The following NR4A1 variants were observed in gnomAD, a reference collection of about 807,000 sequenced individuals.
NR4A1 encodes nuclear receptor subfamily 4 group A member 1.
NR4A1 carries 24 observed loss-of-function variants against 47.5 expected under a neutral mutation model. The ratio of observed to expected loss-of-function variants is 0.50; its 90% CI spans 0.37 to 0.71. The LOEUF is 0.71. Ranked by LOEUF, NR4A1 falls within the 30% of genes least tolerant of loss-of-function variation. NR4A1 has a pLI of 0.00. For missense variants in NR4A1, 669 were observed against 788.6 expected (o/e 0.85, Z 1.82); for synonymous variants, 353 against 345.7 (o/e 1.02, Z -0.24).
At chr12:52,056,983 T>C (rs1939304847) in intron 4 of NR4A1, 74 bp from the exon 5 acceptor site, 1 of 1,371,892 alleles carries the variant, frequency 7.3e-7, no homozygotes, top group Non-Finnish European at 1.0e-6. Context: ...CATCCAAGTG[T>C]CTGACACAGC....
upstream of NR4A1, among the ~76,000 whole-genome samples, chr12:52,047,831 G>T (rs1441198112): frequency 6.6e-6 from 1 of 152,252 alleles, no homozygotes; most frequent in Non-Finnish European, 1.5e-5. Flanking sequence ...GAGGGTGCCT[G>T]AGCTTGAGGC....
At chr12:52,031,038 T>C (rs2701112) in intron 1 of NR4A1, among the ~76,000 whole-genome samples, 121,337 of 151,830 alleles carry the variant, frequency 0.8, 49,334 homozygotes, top group African/African-American at 0.9. Context: ...TATTTTGAGA[T>C]AGGGTCTCAC....
intron 1 of NR4A1, chr12:52,038,009 G>C (rs1246654322): frequency 1.0e-6 from 1 of 985,546 alleles, no homozygotes; most frequent in Admixed American, 6.1e-5. Flanking sequence ...TGGTGGTCTG[G>C]CTGTGTGGAG....
rs1357434310 is a variant in NR4A1, at chr12:52,057,508, C to G, written c.1518C>G (p.Leu506=). The change falls in exon 6 of 7, where the codon CTC becomes CTG. Residue 506 remains leucine, a synonymous_variant. Coordinates refer to ENST00000394825, the MANE Select transcript of NR4A1 (RefSeq NM_173157.3). ...TCGATGTCCCTGCCTTCGCCTGCCT[C>G]TCTGCCCTTGTCCTCATCACCGGTG... ...LLVDVPAFAC[L]SALVLITDRH... 2 of 1,614,022 alleles carry G rather than the reference C, an allele frequency of 1.2e-6. No homozygotes were observed. The highest frequency in any genetic ancestry group is 2.7e-5 in the African/African-American group (2 of 74,940).
chr12:52,031,778 A>ATTT (rs61279135), intron 1 of NR4A1, among the ~76,000 whole-genome samples: 4,175 of 125,840 alleles, frequency 0.033, 335 homozygotes, highest in African/African-American at 0.12. Context: ...GTGATGGTTA[A>ATTT]TTTTTTTTTT....
In NR4A1 at chr12:52,055,107, C is replaced by G. The variant is rs1399066264; in HGVS notation, c.779C>G (p.Pro260Arg). 3.1e-6 allele frequency: 5 copies of G among 1,614,114 alleles called. No homozygotes were observed. The Admixed American group carries it at 8.3e-5, about 27-fold the overall frequency. Residue 260 changes from proline to arginine, a missense_variant, in exon 2 of 7, where the codon CCA (proline) becomes CGA (arginine). Physicochemically the swap from Pro to Arg is moderately radical, Grantham distance 103 (BLOSUM62 -2). Transcript: ENST00000394825. ...TCAACCAAGGCCCGGAGCGGGGCCC[C>G]AGGTGGAAGTGAAGGCCGCTGTGCT... The part of the protein sequence containing the change: ...VTSTKARSGA[P>R]GGSEGRCAVC...
rs895409781 is a variant in NR4A1 at position 52,059,156 on chromosome 12, C to G, written c.*212C>G. 3 of 612,828 alleles carry G rather than the reference C, an allele frequency of 4.9e-6. No homozygotes were observed. Among genetic ancestry groups the G allele is most frequent in the Non-Finnish European group, 8.3e-6 (3 of 360,342 alleles). 38.0% of individuals were successfully genotyped at this position (612,828 alleles called of 1,614,324 possible). On this transcript the variant is annotated 3_prime_UTR_variant, in exon 7 of 7. Coordinates refer to ENST00000394825, the MANE Select transcript of NR4A1 (RefSeq NM_173157.3). ...GACCCCACGATTTGTCTTATCCCCC[C>G]CAGCCTGGCCCCGGCCTTTATGTTT...
At chr12:52,040,902 C>T (rs114492725) in intron 1 of NR4A1, among the ~76,000 whole-genome samples, 5 of 151,990 alleles carry the variant, frequency 3.3e-5, no homozygotes, top group African/African-American at 9.7e-5. Context: ...GGTGCGTAGT[C>T]GAGAGGAGAG....
chr12:52,050,749 C>T (rs965104734), upstream of NR4A1, among the ~76,000 whole-genome samples: 7 of 152,206 alleles, frequency 4.6e-5, no homozygotes, highest in Non-Finnish European at 5.9e-5. Flanking sequence ...GCCTCTCAGC[C>T]TGAGACCCTG....
chr12:52,057,742 T>C (rs1939352263), intron 6 of NR4A1, among the ~76,000 whole-genome samples: 2 of 152,236 alleles, frequency 1.3e-5, no homozygotes, highest in South Asian at 4.1e-4. Context: ...CAAGACAGCC[T>C]TTGGTCCCAG....
intron 1 of NR4A1, chr12:52,053,694 T>A (rs1389741326): frequency 1.3e-5 from 2 of 152,572 alleles, no homozygotes; most frequent in Non-Finnish European, 2.9e-5. Context: ...TTGCTCAGTG[T>A]GCAGGGTTGG....
At chr12:52,043,251 G>A (rs1287720393) in intron 2 of NR4A1, among the ~76,000 whole-genome samples, 3 of 152,190 alleles carry the variant, frequency 2.0e-5, no homozygotes, top group Admixed American at 1.3e-4. Flanking sequence ...TGGGAAGCAC[G>A]TGAGTGAGGA....
chr12:52,045,398 G>T, intron 2 of NR4A1: 1 of 342,444 alleles, frequency 2.9e-6, no homozygotes, highest in Non-Finnish European at 6.1e-6. Context: ...TCGGGGTCCT[G>T]GAACCCATCC....
intron 2 of NR4A1, chr12:52,043,655 A>C (rs1592289579): frequency 8.4e-7 from 1 of 1,188,616 alleles, no homozygotes; most frequent in Non-Finnish European, 1.1e-6. Context: ...GGCTCCCCCC[A>C]TCCCCAGAGG....
chr12:52,055,896 T>A, intron 2 of NR4A1, 134 bp from the exon 3 acceptor site: 6 of 305,984 alleles, frequency 2.0e-5, no homozygotes, highest in East Asian at 1.6e-4. Context: ...GCCACCCAAA[T>A]GTTAGAAAAA....
At chr12:52,031,492 C>T (rs1171368542) in intron 1 of NR4A1, among the ~76,000 whole-genome samples, 1 of 151,642 alleles carries the variant, frequency 6.6e-6, no homozygotes, top group Non-Finnish European at 1.5e-5. Flanking sequence ...CAAAAATTAG[C>T]CAGGTTTGGT....
intron 1 of NR4A1, among the ~76,000 whole-genome samples, chr12:52,029,456 G>A (rs111785846): frequency 0.012 from 1,758 of 152,302 alleles, 38 homozygotes; most frequent in African/African-American, 0.04. Context: ...GGGAGGCTGA[G>A]GTGGGTGGAT....
intron 3 of NR4A1, 59 bp downstream of exon 3, chr12:52,056,218 G>A (rs1939265558): frequency 3.3e-6 from 5 of 1,526,152 alleles, no homozygotes; most frequent in Non-Finnish European, 4.4e-6. Context: ...AGTGGGACCA[G>A]CAGGGCCCCC....
chr12:52,023,439 G>A (rs1232757603), intron 1 of NR4A1, among the ~76,000 whole-genome samples: 2 of 152,202 alleles, frequency 1.3e-5, no homozygotes, highest in East Asian at 1.9e-4. Context: ...GAAGGAAGCA[G>A]GTGGCAGCGC....
Sources: allele counts gnomAD v4.1 joint callset (sites outside exome capture counted in the v4.1 genomes callset), GRCh38; gene constraint gnomAD v4.1.1; transcripts MANE v1.5; gene names NCBI Gene and HGNC (gene_info 2026-07-23, HGNC 2026-07-21).